Variants in ZNF730 observed in about 807,000 individuals in gnomAD.
ZNF730 encodes zinc finger protein 730, also known as putative zinc finger protein 730.
A neutral mutation model predicts 12.6 loss-of-function variants in ZNF730; 12 were observed. The ratio of observed to expected loss-of-function variants is 0.95; its 90% CI spans 0.61 to 1.54. The LOEUF (loss-of-function observed/expected upper bound fraction) is 1.54, where lower values mean the gene tolerates loss of function less well. ZNF730 is among the 40% of genes most tolerant of loss of function. The pLI, the probability that ZNF730 is intolerant of heterozygous loss-of-function variation, is 0.00. For synonymous variants in ZNF730, 194 were observed against 195.8 expected, an observed-to-expected ratio of 0.99 and a Z score of 0.08; for missense variants, 643 against 583.5, an observed-to-expected ratio of 1.10 and a Z score of -1.05.
intron 3 of ZNF730, among the ~76,000 whole-genome samples, chr19:23,137,637 C>T (rs1970852985): frequency 6.6e-6 from 1 of 152,190 alleles, no homozygotes; most frequent in Non-Finnish European, 1.5e-5. Flanking sequence ...AGAATGGGCA[C>T]AATATAGTTT....
chr19:23,090,439 A>G (rs1970138226), intron 1 of ZNF730, among the ~76,000 whole-genome samples: 1 of 152,192 alleles, frequency 6.6e-6, no homozygotes, highest in African/African-American at 2.4e-5. Flanking sequence ...GCAGAAAAGC[A>G]TTCAAGAGGT....
At chr19:23,116,094 TC>T (rs1420391256), upstream of ZNF730, among the ~76,000 whole-genome samples, 1 of 152,204 alleles carries the variant, frequency 6.6e-6, no homozygotes, top group Non-Finnish European at 1.5e-5. Flanking sequence ...TAAAACTACA[TC>T]CTGACACTTA....
intron 1 of ZNF730, among the ~76,000 whole-genome samples, chr19:23,107,279 T>C (rs964039582): frequency 6.6e-6 from 1 of 151,346 alleles, no homozygotes; most frequent in South Asian, 2.1e-4. Flanking sequence ...GCCAGGCTGG[T>C]CTCAAACCCC....
At position 23,145,592 on chromosome 19, in the gene ZNF730, G is replaced by A. The variant is rs773684346; in HGVS notation, c.548G>A (p.Cys183Tyr). The change falls in exon 4 of 4, where the codon TGC becomes TAC. Residue 183 changes from cysteine (C) to tyrosine (Y), a missense_variant. Physicochemically the swap from Cys to Tyr is radical, Grantham distance 194 (BLOSUM62 -2). Transcript: ENST00000597761. ...TGTAAAGAATGTGGAAAATTATTTT[G>A]CATTCTTTCACACTTAGCTCAACAT... ...FKCKECGKLF[C>Y]ILSHLAQHKK... The A allele has an allele frequency of 1.3e-6, 2 of 1,543,516 alleles. No individual in the cohort carries two copies. The highest frequency in any genetic ancestry group is 4.1e-5 in the Admixed American group (2 of 48,654).
chr19:23,146,527 C>G lies in ZNF730; in HGVS notation c.1483C>G (p.Leu495Val). The G allele has an allele frequency of 6.3e-7, 1 of 1,582,962 alleles. No individual in the cohort carries two copies. The highest frequency in any genetic ancestry group is 1.1e-5 in the South Asian group (1 of 87,570). The change falls in exon 4 of 4, where the codon CTT (leucine) becomes GTT (valine). Residue 495 changes from leucine (L) to valine (V), a missense_variant. Leu to Val is a conservative substitution (Grantham distance 32). Coordinates refer to ENST00000597761, the MANE Select transcript of ZNF730 (RefSeq NM_001277403.2). ...CGKAFRRFSH[L>V]TRHKTIHT The stretch of plus-strand genomic sequence containing the variant: ...TAAAGCCTTTAGGCGGTTCTCACAC[C>G]TTACTAGGCATAAGACAATTCATAC...
At chr19:23,140,785 C>G (rs1483917005) in intron 3 of ZNF730, among the ~76,000 whole-genome samples, 1 of 151,320 alleles carries the variant, frequency 6.6e-6, no homozygotes, top group Non-Finnish European at 1.5e-5. Context: ...AACCCCATCT[C>G]TACTAAAAAT....
intron 1 of ZNF730, among the ~76,000 whole-genome samples, chr19:23,098,146 GAAAA>G (rs886591031): frequency 1.5e-5 from 2 of 132,114 alleles, no homozygotes; most frequent in African/African-American, 5.6e-5. Flanking sequence ...TCTGTCTCAA[GAAAA>G]AAAAAAAAAG....
At chr19:23,081,404 C>T (rs1443386413) in intron 1 of ZNF730, among the ~76,000 whole-genome samples, 1 of 152,098 alleles carries the variant, frequency 6.6e-6, no homozygotes, top group Non-Finnish European at 1.5e-5. Context: ...ACTGCAACCT[C>T]CGCCTCCCGG....
At chr19:23,081,277 T>C (rs1969962107) in intron 1 of ZNF730, among the ~76,000 whole-genome samples, 1 of 152,122 alleles carries the variant, frequency 6.6e-6, no homozygotes, top group South Asian at 2.1e-4. Flanking sequence ...CCTGAGCAGC[T>C]TGGATTACAG....
At chr19:23,129,486 G>C (rs536336936) in intron 1 of ZNF730, among the ~76,000 whole-genome samples, 1 of 151,468 alleles carries the variant, frequency 6.6e-6, no homozygotes, top group Admixed American at 6.6e-5. Flanking sequence ...TGCCCTGCTT[G>C]ATTTTGGACT....
chr19:23,105,587 T>C (rs1480780567), intron 1 of ZNF730, among the ~76,000 whole-genome samples: 1 of 152,224 alleles, frequency 6.6e-6, no homozygotes, highest in Admixed American at 6.5e-5. Context: ...GATGAGGATT[T>C]ACAGCAACTA....
intron 1 of ZNF730, among the ~76,000 whole-genome samples, chr19:23,077,600 C>T (rs573570485): frequency 1.3e-5 from 2 of 151,924 alleles, no homozygotes; most frequent in South Asian, 2.1e-4. Flanking sequence ...AGCCAACACA[C>T]CCGGCTAATT....
intron 1 of ZNF730, among the ~76,000 whole-genome samples, chr19:23,085,271 A>ATGTCCTTTTAAAGGTTCG (rs1346796231): frequency 6.6e-6 from 1 of 151,746 alleles, no homozygotes; most frequent in East Asian, 1.9e-4. Flanking sequence ...TTAAAGGCTC[A>ATGTCCTTTTAAAGGTTCG]TGTCCTTTTA....
At chr19:23,130,059 A>T (rs1209606788) in intron 1 of ZNF730, among the ~76,000 whole-genome samples, 1 of 151,718 alleles carries the variant, frequency 6.6e-6, no homozygotes, top group Admixed American at 6.6e-5. Flanking sequence ...CAATGTAAAG[A>T]CATTAGATTT....
chr19:23,126,076 G>A (rs1226529638), intron 1 of ZNF730, among the ~76,000 whole-genome samples: 3 of 152,132 alleles, frequency 2.0e-5, no homozygotes, highest in African/African-American at 7.2e-5. Context: ...AAATAAGTCT[G>A]ATTAAGATGC....
intron 1 of ZNF730, chr19:23,126,862 T>A: frequency 1.9e-6 from 1 of 532,188 alleles, no homozygotes. Context: ...GACCTAGACC[T>A]TCAATACAGG....
intron 1 of ZNF730, chr19:23,128,213 G>A: frequency 1.3e-6 from 1 of 764,316 alleles, no homozygotes; most frequent in Middle Eastern, 3.0e-4. Flanking sequence ...CAGTTCCCTG[G>A]TTATGATTCT....
intron 1 of ZNF730, among the ~76,000 whole-genome samples, chr19:23,084,488 A>G (rs1270513076): frequency 2.0e-5 from 3 of 152,242 alleles, no homozygotes; most frequent in African/African-American, 7.2e-5. Context: ...GTCTTTTAAA[A>G]AAACTTAAGT....
At chr19:23,107,115 T>G (rs1012414146) in intron 1 of ZNF730, among the ~76,000 whole-genome samples, 1 of 150,594 alleles carries the variant, frequency 6.6e-6, no homozygotes, top group Non-Finnish European at 1.5e-5. Flanking sequence ...CAGGCTGTAG[T>G]GCAGTGGTGC....
Sources: gnomAD v4.1 joint callset for allele counts (sites outside exome capture counted in the v4.1 genomes callset) on GRCh38, gnomAD v4.1.1 for gene constraint, MANE v1.5 for transcripts, NCBI Gene and HGNC (gene_info 2026-07-23, HGNC 2026-07-21) for gene names.